ANKFN1: variants seen among roughly 807,000 people sequenced by gnomAD.
ANKFN1 encodes the protein ankyrin repeat and fibronectin type III domain containing 1.
Under a neutral mutation model 108.7 loss-of-function variants are expected in ANKFN1, and 74 were observed. That is an observed-to-expected ratio of 0.68 (90% CI 0.56 to 0.83). The LOEUF is 0.83. Among genes scored for constraint, ANKFN1 ranks in the 40% least tolerant of loss-of-function variants. The probability of loss-of-function intolerance (pLI) is 0.00; values close to 1 mark genes in which losing one functional copy is unlikely to be tolerated. For missense variants in ANKFN1, 1,505 were observed against 1,382.3 expected (o/e 1.09, Z -1.41); for synonymous variants, 547 against 516.2 (o/e 1.06, Z -0.81).
chr17:56,471,357 G>A (rs888405366), intron 15 of ANKFN1: 3 of 144,046 alleles, frequency 2.1e-5, no homozygotes, highest in Admixed American at 7.6e-5. Context: ...CTTTTCTTCT[G>A]CTTAGGCATT....
At chr17:56,059,295 A>T (rs533293964) in intron 4 of ANKFN1, among the ~76,000 whole-genome samples, 65 of 151,862 alleles carry the variant, frequency 4.3e-4, no homozygotes, top group Middle Eastern at 3.4e-3. Context: ...TTTTTCTTGT[A>T]AATTTGTTTA....
rs138216983 is a variant in ANKFN1 at position 56,415,204 on chromosome 17, T to A, written c.911-25123T>A. On this transcript the variant is annotated intron_variant, in intron 8 of 20. Coordinates refer to ENST00000682825, the MANE Select transcript of ANKFN1 (RefSeq NM_001370326.1). ...TCAGCATAGTACTGGAAGTCCTAGC[T>A]AGTGCAATCAGACAAGACAAAGAAA... Among the ~76,000 whole-genome samples the A allele has an allele frequency of 1.7e-3, 258 of 152,264 alleles. 1 individual carries two copies. Among genetic ancestry groups the A allele is most frequent in the African/African-American group, 6.0e-3 (249 of 41,558 alleles).
chr17:56,395,554 A>G (rs921269804), intron 8 of ANKFN1, among the ~76,000 whole-genome samples: 9 of 152,220 alleles, frequency 5.9e-5, no homozygotes, highest in Non-Finnish European at 1.2e-4. Flanking sequence ...TATAATAATC[A>G]TAGAACATTG....
At position 56,348,190 on chromosome 17, in the gene ANKFN1, T is replaced by C. The variant is rs9897164; in HGVS notation, c.189-2576T>C. Among the ~76,000 whole-genome samples, 323 of 152,250 alleles carry C rather than the reference T, an allele frequency of 2.1e-3. 1 individual carries two copies. Among genetic ancestry groups the C allele is most frequent in the African/African-American group, 7.4e-3 (309 of 41,562 alleles). ...GGATTTGTAGATGGAAGAAAAAAGA[T>C]GCCAGATAACCTCCCTTTCCATTTC... is the stretch of plus-strand genomic sequence containing the variant. On this transcript the variant is annotated intron_variant, in intron 4 of 20. Transcript: ENST00000682825.
At chr17:56,335,326 C>T (rs914779188) in intron 4 of ANKFN1, among the ~76,000 whole-genome samples, 5 of 152,080 alleles carry the variant, frequency 3.3e-5, no homozygotes, top group African/African-American at 4.8e-5. Context: ...GCCATTTTCA[C>T]GATATTGATT....
intron 3 of ANKFN1, among the ~76,000 whole-genome samples, chr17:56,236,389 A>G (rs1917154944): frequency 6.6e-6 from 1 of 151,964 alleles, no homozygotes; most frequent in Non-Finnish European, 1.5e-5. Flanking sequence ...TGTAGTTCTC[A>G]TTGTAGATAT....
At chr17:56,447,203 A>G (rs2049326276) in intron 10 of ANKFN1, among the ~76,000 whole-genome samples, 1 of 152,236 alleles carries the variant, frequency 6.6e-6, no homozygotes, top group Non-Finnish European at 1.5e-5. Flanking sequence ...AGCGTGGGTG[A>G]CAGAGCAAGA....
Position 56,477,767 on chromosome 17 carries a change from G to A in ANKFN1, c.1940+113G>A, listed in dbSNP as rs1011226202. ...ACTTCCAGGGCAGTTTTTATGGTGA[G>A]GTGTCCTCAGATGCCACACTGAAGT... On this transcript the variant is annotated intron_variant, in intron 16 of 20. Coordinates refer to ENST00000682825, the MANE Select transcript of ANKFN1 (RefSeq NM_001370326.1). The A allele has an allele frequency of 3.6e-5, 42 of 1,153,914 alleles. No individual in the cohort carries two copies. In the South Asian group the frequency reaches 6.1e-4, roughly 17 times the overall value. 71.5% of individuals were successfully genotyped at this position (1,153,914 alleles called of 1,614,324 possible). A position where few individuals can be genotyped will look rare whatever the true frequency, so the allele number is the denominator to read the frequency against.
At chr17:56,398,053 G>A (rs923759739) in intron 8 of ANKFN1, among the ~76,000 whole-genome samples, 2 of 151,950 alleles carry the variant, frequency 1.3e-5, no homozygotes, top group Non-Finnish European at 2.9e-5. Flanking sequence ...TTCTTTCAGG[G>A]GACCATGTAA....
intron 3 of ANKFN1, among the ~76,000 whole-genome samples, chr17:56,300,498 G>A (rs2044641963): frequency 6.6e-6 from 1 of 151,720 alleles, no homozygotes; most frequent in South Asian, 2.1e-4. Context: ...CATAAAAATG[G>A]TTTGTCAGAG....
chr17:56,158,685 G>C (rs1376376249), intron 1 of ANKFN1, among the ~76,000 whole-genome samples: 1 of 152,180 alleles, frequency 6.6e-6, no homozygotes, highest in South Asian at 2.1e-4. Flanking sequence ...TGTTATAGAG[G>C]AGCCTATGCT....
intron 4 of ANKFN1, among the ~76,000 whole-genome samples, chr17:56,050,863 A>T (rs1160645346): frequency 6.6e-6 from 1 of 151,688 alleles, no homozygotes; most frequent in South Asian, 2.1e-4. Flanking sequence ...CCAAGACTAA[A>T]CCAGGAAGAA....
chr17:56,152,256 ATATATATG>A (rs997379688), upstream of ANKFN1, among the ~76,000 whole-genome samples: 2 of 79,254 alleles, frequency 2.5e-5, no homozygotes, highest in African/African-American at 8.0e-5. Context: ...ATATATATAT[ATATATATG>A]TGTGTGTGTG....
intron 4 of ANKFN1, among the ~76,000 whole-genome samples, chr17:56,327,756 A>G (rs1243213058): frequency 6.6e-6 from 1 of 152,208 alleles, no homozygotes; most frequent in Non-Finnish European, 1.5e-5. Context: ...CTGTTCTGCC[A>G]TTCCTTCTAT....
Position 56,372,705 on chromosome 17 carries a change from A to T in ANKFN1, c.661A>T (p.Arg221Trp). ...LNTLVQEAQE[R>W]VSELSAQVEN... ...CACACTGGTCCAGGAAGCCCAGGAGAGGGTGAGTGAACTGTCTGCCCAGGT... is the reference window on the plus strand; with the variant it reads ...CACACTGGTCCAGGAAGCCCAGGAGTGGGTGAGTGAACTGTCTGCCCAGGT... The change falls in exon 7 of 21, where the codon AGG (arginine) becomes TGG (tryptophan). Residue 221 changes from arginine to tryptophan, a missense_variant. By Grantham distance (101) the Arg-to-Trp change is moderately radical. Transcript: ENST00000682825. 1 of 1,613,924 alleles carries T rather than the reference A, an allele frequency of 6.2e-7. No individual in the cohort carries two copies. Among genetic ancestry groups the T allele is most frequent in the Non-Finnish European group, 8.5e-7 (1 of 1,179,942 alleles).
At chr17:56,385,702 CA>C (rs1177643305) in intron 8 of ANKFN1, among the ~76,000 whole-genome samples, 8 of 152,072 alleles carry the variant, frequency 5.3e-5, no homozygotes, top group South Asian at 2.1e-4. Flanking sequence ...TTTATGTAGC[CA>C]AAAAACACAT....
chr17:56,166,543 A>T (rs1910143739), intron 1 of ANKFN1, among the ~76,000 whole-genome samples: 1 of 151,994 alleles, frequency 6.6e-6, no homozygotes, highest in African/African-American at 2.4e-5. Context: ...TTCCATCTTA[A>T]CCACCTACTA....
chr17:56,193,501 G>A (rs1913198333), intron 1 of ANKFN1, among the ~76,000 whole-genome samples: 1 of 146,244 alleles, frequency 6.8e-6, no homozygotes, highest in Non-Finnish European at 1.5e-5. Flanking sequence ...TAATGTAAAA[G>A]TGCATAATTT....
intron 4 of ANKFN1, among the ~76,000 whole-genome samples, chr17:56,107,052 A>T (rs1321025019): frequency 1.3e-5 from 2 of 152,128 alleles, no homozygotes; most frequent in African/African-American, 4.8e-5. Context: ...CAGGGGGCAA[A>T]GTGCTCCATT....
Sources: allele counts gnomAD v4.1 joint callset (sites outside exome capture counted in the v4.1 genomes callset), GRCh38; gene constraint gnomAD v4.1.1; transcripts MANE v1.5; gene names NCBI Gene and HGNC (gene_info 2026-07-23, HGNC 2026-07-21).